The following HOMER1 variants were observed in gnomAD, a reference collection of about 807,000 sequenced individuals.
The protein encoded by HOMER1 is homer scaffold protein 1, also known as homer protein homolog 1.
A neutral mutation model predicts 48.9 loss-of-function variants in HOMER1; 3 were observed. The observed-to-expected ratio is 0.06, with a 90% CI of 0.03 to 0.16. HOMER1 has a LOEUF of 0.16. Ranked by LOEUF, HOMER1 falls within the 10% of genes least tolerant of loss-of-function variation. HOMER1 has a pLI of 1.00. For synonymous variants in HOMER1, 134 were observed against 146.4 expected (o/e 0.92, Z 0.61); for missense variants, 247 against 411.4 (o/e 0.60, Z 3.46).
chr5:79,381,634 C>T (rs1748979521), intron 8 of HOMER1, among the ~76,000 whole-genome samples: 1 of 152,134 alleles, frequency 6.6e-6, no homozygotes, highest in African/African-American at 2.4e-5. Context: ...CCTGTAATCC[C>T]AGAACTTTGG....
chr5:79,378,891 CCT>C (rs1295177499), intron 8 of HOMER1, among the ~76,000 whole-genome samples: 3 of 151,028 alleles, frequency 2.0e-5, no homozygotes, highest in African/African-American at 4.9e-5. Flanking sequence ...ACTCTAAGCA[CCT>C]CTCTGTTTGC....
At chr5:79,396,088 A>C (rs1416675934) in intron 8 of HOMER1, among the ~76,000 whole-genome samples, 2 of 152,148 alleles carry the variant, frequency 1.3e-5, no homozygotes, top group Non-Finnish European at 2.9e-5. Flanking sequence ...TGGCAAGAGA[A>C]GACTTTGGTA....
chr5:79,415,290 G>A (rs1347421945), intron 5 of HOMER1, among the ~76,000 whole-genome samples: 1 of 151,666 alleles, frequency 6.6e-6, no homozygotes, highest in African/African-American at 2.4e-5. Flanking sequence ...AAACTCCTGG[G>A]CCCAGGCAAT....
intron 5 of HOMER1, among the ~76,000 whole-genome samples, chr5:79,414,400 GAC>G (rs1749889888): frequency 6.6e-6 from 1 of 151,572 alleles, no homozygotes; most frequent in African/African-American, 2.4e-5. Flanking sequence ...TATTTTTAGA[GAC>G]AGGATCTCCC....
At chr5:79,446,965 T>C (rs1561367149) in intron 4 of HOMER1, 88 bp downstream of exon 4, 5 of 834,088 alleles carry the variant, frequency 6.0e-6, no homozygotes, top group South Asian at 1.5e-5. Flanking sequence ...TGCATTTCTG[T>C]GTGTACTTTG....
rs1748693663 is a variant in HOMER1 at position 79,373,837 on chromosome 5, T to C, written c.*2172A>G. The C allele has an allele frequency of 6.6e-6, 1 of 151,990 alleles. No individual in the cohort carries two copies. Among genetic ancestry groups the C allele is most frequent in the Non-Finnish European group, 1.5e-5 (1 of 67,882 alleles). The allele number at this position is 151,990 out of a possible 1,614,324, so 9.4% of individuals were successfully genotyped here. On this transcript the variant is annotated 3_prime_UTR_variant, in exon 9 of 9. Transcript: ENST00000334082. ...AAATTTCATTATCAGTAGGAAAGTA[T>C]TAAAAATAATTTTCTGTATATACAT... is the stretch of plus-strand genomic sequence containing the variant.
At chr5:79,408,445 T>C (rs1041944197) in intron 5 of HOMER1, among the ~76,000 whole-genome samples, 3 of 152,078 alleles carry the variant, frequency 2.0e-5, no homozygotes, top group Admixed American at 6.6e-5. Flanking sequence ...GAAATGTAGA[T>C]CTACACAGAG....
intron 5 of HOMER1, among the ~76,000 whole-genome samples, chr5:79,412,507 A>G (rs528783297): frequency 3.3e-5 from 5 of 152,312 alleles, no homozygotes; most frequent in Admixed American, 2.6e-4. Flanking sequence ...CCATTACCCA[A>G]GTCTCAGACT....
chr5:79,505,449 T>C (rs543040873), intron 1 of HOMER1, among the ~76,000 whole-genome samples: 8 of 152,286 alleles, frequency 5.3e-5, no homozygotes, highest in South Asian at 2.1e-4. Context: ...TGAAATTGTG[T>C]TCCCTAAGCA....
At chr5:79,432,016 T>C (rs1332302521) in intron 5 of HOMER1, among the ~76,000 whole-genome samples, 2 of 152,234 alleles carry the variant, frequency 1.3e-5, no homozygotes, top group Non-Finnish European at 2.9e-5. Context: ...AGCTTTAATA[T>C]GTTTAGGTGA....
chr5:79,512,422 C>T (rs1237983540), intron 1 of HOMER1, among the ~76,000 whole-genome samples: 1 of 152,222 alleles, frequency 6.6e-6, no homozygotes, highest in Non-Finnish European at 1.5e-5. Flanking sequence ...TGCAGTACTT[C>T]TCTTTGAAAG....
At chr5:79,378,221 T>TTAAAAAAAAA (rs756900477) in intron 8 of HOMER1, among the ~76,000 whole-genome samples, 13,785 of 95,818 alleles carry the variant, frequency 0.14, 1,058 homozygotes, top group East Asian at 0.37. Flanking sequence ...AGACTCTGTC[T>TTAAAAAAAAA]CAAAAAAAAA....
rs756459545 is a variant in HOMER1 at position 79,396,949 on chromosome 5, C to A, written c.796-46G>T. ...TCTTAACATTCAAACTATATCAAGG[C>A]AAGGGAAGGTCTTGTTTTTCCCTGA... On this transcript the variant is annotated intron_variant, in intron 7 of 8. Transcript: ENST00000334082. The A allele has an allele frequency of 5.8e-6, 6 of 1,035,824 alleles. No individual in the cohort carries two copies. In the East Asian group the frequency reaches 9.8e-5, roughly 17 times the overall value. 64.2% of individuals were successfully genotyped at this position (1,035,824 alleles called of 1,614,324 possible).
intron 1 of HOMER1, among the ~76,000 whole-genome samples, chr5:79,488,134 A>G (rs1752170441): frequency 6.6e-6 from 1 of 152,256 alleles, no homozygotes. Context: ...AGCAGGAATG[A>G]CAGGCTAATG....
rs930971459 is a variant in HOMER1 at position 79,513,749 on chromosome 5, C to G, written c.-975G>C. ...GCCCCACGCTTCCACTGGCACCCTGCCCCCAGCTCCAGGGCGGGCGAAAGG... is the reference window on the plus strand; with the variant it reads ...GCCCCACGCTTCCACTGGCACCCTGGCCCCAGCTCCAGGGCGGGCGAAAGG... On this transcript the variant is annotated 5_prime_UTR_variant, in exon 1 of 9. Coordinates refer to ENST00000334082, the MANE Select transcript of HOMER1 (RefSeq NM_004272.5). The G allele has an allele frequency of 1.3e-5, 2 of 152,740 alleles. No homozygotes were observed. Among genetic ancestry groups the G allele is most frequent in the Non-Finnish European group, 2.9e-5 (2 of 68,484 alleles). 9.5% of individuals were successfully genotyped at this position (152,740 alleles called of 1,614,324 possible).
chr5:79,450,330 C>T (rs1174498475), intron 3 of HOMER1, among the ~76,000 whole-genome samples: 4 of 152,116 alleles, frequency 2.6e-5, no homozygotes, highest in Non-Finnish European at 5.9e-5. Context: ...TTCTGTGTAA[C>T]ATCCACAAGA....
At chr5:79,400,612 C>T (rs887993606) in intron 6 of HOMER1, among the ~76,000 whole-genome samples, 16 of 151,120 alleles carry the variant, frequency 1.1e-4, no homozygotes, top group African/African-American at 3.6e-4. Flanking sequence ...CCTCCTTAGC[C>T]TCCCAAAGTG....
intron 5 of HOMER1, among the ~76,000 whole-genome samples, chr5:79,403,628 G>A (rs1749587448): frequency 6.6e-6 from 1 of 152,162 alleles, no homozygotes; most frequent in African/African-American, 2.4e-5. Flanking sequence ...TGGGATCTTA[G>A]GTAGGTTCCT....
At chr5:79,465,020 T>C (rs950877776) in intron 1 of HOMER1, among the ~76,000 whole-genome samples, 1 of 151,990 alleles carries the variant, frequency 6.6e-6, no homozygotes, top group African/African-American at 2.4e-5. Context: ...GTATCGAGAC[T>C]TCTGGAAGGA....
Sources: allele counts gnomAD v4.1 joint callset (sites outside exome capture counted in the v4.1 genomes callset), GRCh38; gene constraint gnomAD v4.1.1; transcripts MANE v1.5; gene names NCBI Gene and HGNC (gene_info 2026-07-23, HGNC 2026-07-21).